Variants in PAGE3 observed in about 807,000 individuals in gnomAD.
PAGE3 encodes the protein P antigen family member 3.
PAGE3 carries 9 observed loss-of-function variants against 3.8 expected under a neutral mutation model. The observed-to-expected ratio is 2.36, with a 90% CI of 1.42 to 4.12. PAGE3 has a LOEUF of 4.12. PAGE3 is among the 30% of genes most tolerant of loss of function. The probability of loss-of-function intolerance (pLI) is 0.00; values close to 1 mark genes in which losing one functional copy is unlikely to be tolerated. For missense variants in PAGE3, 73 were observed against 37.8 expected, an observed-to-expected ratio of 1.93 and a Z score of -2.44; for synonymous variants, 24 against 13.1, an observed-to-expected ratio of 1.83 and a Z score of -1.79.
rs1242974667 is a variant in PAGE3 at position 55,258,486 on chromosome X, T to C, written c.*20A>G. On this transcript the variant is annotated 3_prime_UTR_variant, in exon 5 of 5. Coordinates refer to ENST00000374951, the MANE Select transcript of PAGE3 (RefSeq NM_001017931.3). Reference sequence around the variant, plus strand: ...GTTTCCAACATAAAGACTGCATGTATGGTTTCAGCTTGTCTTCATTTAAAC... The same window carrying C: ...GTTTCCAACATAAAGACTGCATGTACGGTTTCAGCTTGTCTTCATTTAAAC... The C allele has an allele frequency of 5.3e-6, 3 of 562,540 alleles. No individual in the cohort carries two copies. The highest frequency in any genetic ancestry group is 4.6e-5 in the South Asian group (2 of 43,162). The allele number at this position is 562,540 out of a possible 1,213,427, so 46.4% of individuals were successfully genotyped here.
chrX:55,260,028 CAT>C (rs1378997002), intron 4 of PAGE3, among the ~76,000 whole-genome samples: 2 of 111,205 alleles, frequency 1.8e-5, no homozygotes, highest in Non-Finnish European at 3.8e-5. Flanking sequence ...TTGGAAAAAA[CAT>C]GTGTAAAACG....
At chrX:55,260,351 G>T (rs1397594905) in intron 4 of PAGE3, among the ~76,000 whole-genome samples, 183 bp downstream of exon 4, 2 of 111,853 alleles carry the variant, frequency 1.8e-5, no homozygotes, top group Non-Finnish European at 3.8e-5. Flanking sequence ...ACCCAATGTG[G>T]TAGGATCTAT....
At chrX:55,261,835 T>C (rs772016418) in intron 3 of PAGE3, among the ~76,000 whole-genome samples, 2 of 112,095 alleles carry the variant, frequency 1.8e-5, no homozygotes, top group South Asian at 7.5e-4. Context: ...ACATTTAAAA[T>C]ATAATTTTAT....
chrX:55,259,922 A>C (rs1242111740), intron 4 of PAGE3, among the ~76,000 whole-genome samples: 2 of 111,593 alleles, frequency 1.8e-5, no homozygotes, highest in Non-Finnish European at 3.8e-5. Flanking sequence ...TCAGGAATGT[A>C]GAGCAAAAGC....
intron 3 of PAGE3, 105 bp downstream of exon 3, chrX:55,263,146 A>T: frequency 2.4e-6 from 1 of 423,075 alleles, no homozygotes; most frequent in Non-Finnish European, 4.2e-6. Flanking sequence ...AATGTTTGAG[A>T]TCTCTTTCTA....
intron 1 of PAGE3, 41 bp from the exon 2 acceptor site, chrX:55,263,952 G>T: frequency 1.9e-6 from 1 of 522,561 alleles, no homozygotes. Context: ...GTACATAAGA[G>T]TGTATCATTT....
intron 4 of PAGE3, among the ~76,000 whole-genome samples, chrX:55,260,112 A>G (rs1938261906): frequency 8.9e-6 from 1 of 111,930 alleles, no homozygotes; most frequent in African/African-American, 3.2e-5. Flanking sequence ...ATATGGGTTT[A>G]GAAGATAAGG....
intron 3 of PAGE3, among the ~76,000 whole-genome samples, chrX:55,262,427 A>T (rs749383452): frequency 3.6e-5 from 4 of 111,461 alleles, no homozygotes; most frequent in Non-Finnish European, 7.5e-5. Context: ...CTGGAATCAC[A>T]TTCTGTTCCA....
At chrX:55,261,325 T>C (rs1209748447) in intron 3 of PAGE3, among the ~76,000 whole-genome samples, 2 of 111,422 alleles carry the variant, frequency 1.8e-5, no homozygotes, top group African/African-American at 6.5e-5. Flanking sequence ...GCATTTTTCA[T>C]TGTTGAATTC....
At chrX:55,260,780 C>T (rs184590272) in intron 3 of PAGE3, 121 bp from the exon 4 acceptor site, 40 of 354,287 alleles carry the variant, frequency 1.1e-4, no homozygotes, top group African/African-American at 7.5e-4. Flanking sequence ...TGGTAATACA[C>T]GCAATGCATA....
chrX:55,264,002 C>T (rs369676297), intron 1 of PAGE3, 91 bp from the exon 2 acceptor site: 5 of 435,348 alleles, frequency 1.1e-5, no homozygotes, highest in East Asian at 3.8e-5. Context: ...TGCAAGCTCA[C>T]GATTACCCTG....
intron 4 of PAGE3, among the ~76,000 whole-genome samples, chrX:55,259,951 A>G (rs185236782): frequency 4.5e-4 from 50 of 111,626 alleles, no homozygotes; most frequent in Non-Finnish European, 8.3e-4. Context: ...AATGCAAGAT[A>G]ATTTCTTTCC....
At chrX:55,263,725 G>A (rs1938339646) in intron 2 of PAGE3, 95 bp downstream of exon 2, 3 of 444,204 alleles carry the variant, frequency 6.8e-6, no homozygotes, top group Non-Finnish European at 1.2e-5. Context: ...CCATTTACAA[G>A]CATGGAAAAC....
chrX:55,263,185 T>G (rs1374515540), intron 3 of PAGE3, 66 bp downstream of exon 3: 27 of 477,070 alleles, frequency 5.7e-5, no homozygotes, highest in Non-Finnish European at 9.9e-5. Context: ...TACTTCCATA[T>G]CATAATACAT....
intron 4 of PAGE3, 93 bp from the exon 5 acceptor site, chrX:55,258,621 G>A: frequency 3.9e-6 from 2 of 511,956 alleles, no homozygotes; most frequent in South Asian, 5.6e-5. Context: ...TTGGTTTTAT[G>A]AAATGAACTA....
chrX:55,260,675 C>T lies in PAGE3; in HGVS notation c.194-16G>A, dbSNP rs777762313. On this transcript the variant is annotated splice_polypyrimidine_tract_variant and intron_variant, in intron 3 of 4. Coordinates refer to ENST00000374951, the MANE Select transcript of PAGE3 (RefSeq NM_001017931.3). ...AGGCCTAGCACTTAAAAATAAAAAACATTACCAATTTAAGTTGTAAAACAT... is the reference window on the plus strand; with the variant it reads ...AGGCCTAGCACTTAAAAATAAAAAATATTACCAATTTAAGTTGTAAAACAT... The T allele has an allele frequency of 1.1e-5, 6 of 523,307 alleles. No homozygotes were observed. Among genetic ancestry groups the T allele is most frequent in the Middle Eastern group, 3.3e-4 (1 of 3,033 alleles). The allele number at this position is 523,307 out of a possible 1,213,427, so 43.1% of individuals were successfully genotyped here. A position where few individuals can be genotyped will look rare whatever the true frequency, so the allele number is the denominator to read the frequency against.
intron 4 of PAGE3, among the ~76,000 whole-genome samples, chrX:55,259,771 A>G (rs1439585276): frequency 9.1e-6 from 1 of 110,432 alleles, no homozygotes; most frequent in Non-Finnish European, 1.9e-5. Context: ...TATTTTTTAT[A>G]TTGAATGCTC....
At chrX:55,263,181 C>T in intron 3 of PAGE3, 70 bp downstream of exon 3, 2 of 461,785 alleles carry the variant, frequency 4.3e-6, no homozygotes, top group Non-Finnish European at 3.9e-6. Context: ...CTTTTACTTC[C>T]ATATCATAAT....
At chrX:55,259,876 A>C (rs1160896978) in intron 4 of PAGE3, among the ~76,000 whole-genome samples, 1 of 111,157 alleles carries the variant, frequency 9.0e-6, no homozygotes, top group Non-Finnish European at 1.9e-5. Flanking sequence ...CATAGCCTGA[A>C]AAATATTTTT....
Sources: allele counts gnomAD v4.1 joint callset (sites outside exome capture counted in the v4.1 genomes callset), GRCh38; gene constraint gnomAD v4.1.1; transcripts MANE v1.5; gene names NCBI Gene and HGNC (gene_info 2026-07-23, HGNC 2026-07-21).